Variants in TENM3 observed in about 807,000 individuals in gnomAD.
The protein encoded by TENM3 is teneurin-3.
A neutral mutation model predicts 255.1 loss-of-function variants in TENM3; 63 were observed. The observed-to-expected ratio is 0.25, with a 90% CI of 0.20 to 0.30. The LOEUF is 0.30. Ranked by LOEUF, TENM3 falls within the 10% of genes least tolerant of loss-of-function variation. The pLI, the probability that TENM3 is intolerant of heterozygous loss-of-function variation, is 1.00. For synonymous variants in TENM3, 1,306 were observed against 1,322.3 expected (o/e 0.99, Z 0.27); for missense variants, 2,929 against 3,461.1 (o/e 0.85, Z 3.86).
chr4:181,860,607 C>A, the TENM3 span, among the ~76,000 whole-genome samples: 2 of 152,230 alleles, frequency 1.3e-5, no homozygotes, highest in East Asian at 3.9e-4. Context: ...TTTGAGTAGA[C>A]CCTACGGTTG....
chr4:182,767,047 T>C (rs1471546441), intron 22 of TENM3, among the ~76,000 whole-genome samples: 1 of 152,158 alleles, frequency 6.6e-6, no homozygotes, highest in Non-Finnish European at 1.5e-5. Flanking sequence ...GGTGGTGCCA[T>C]GATGTGGGCG....
the TENM3 span, among the ~76,000 whole-genome samples, chr4:182,094,934 TAGA>T: frequency 3.4e-5 from 3 of 88,070 alleles, no homozygotes; most frequent in African/African-American, 1.3e-4. Flanking sequence ...TCACAGGAAA[TAGA>T]AGGTAAAAAA....
the TENM3 span, among the ~76,000 whole-genome samples, chr4:182,099,529 AAAG>A: frequency 6.6e-6 from 1 of 152,156 alleles, no homozygotes; most frequent in East Asian, 1.9e-4. Flanking sequence ...AAAAAATATA[AAAG>A]AAGAATATTT....
chr4:182,629,725 A>G (rs1455514626), intron 5 of TENM3, among the ~76,000 whole-genome samples: 3 of 152,174 alleles, frequency 2.0e-5, no homozygotes, highest in African/African-American at 7.2e-5. Flanking sequence ...TCAGGTTTAC[A>G]AAGCAATTTG....
intron 1 of TENM3, among the ~76,000 whole-genome samples, chr4:182,194,974 G>C (rs541626982): frequency 6.6e-6 from 1 of 151,298 alleles, no homozygotes; most frequent in East Asian, 1.9e-4. Flanking sequence ...ACTTCAGACT[G>C]TAATTATCAC....
At chr4:182,259,899 C>T (rs1156735353) in intron 1 of TENM3, among the ~76,000 whole-genome samples, 1 of 152,110 alleles carries the variant, frequency 6.6e-6, no homozygotes, top group African/African-American at 2.4e-5. Context: ...TTATCATCCT[C>T]TCTTCATCTT....
chr4:182,409,378 C>A (rs370001565), intron 3 of TENM3, among the ~76,000 whole-genome samples: 1 of 152,222 alleles, frequency 6.6e-6, no homozygotes, highest in Non-Finnish European at 1.5e-5. Context: ...GTTTGACTTA[C>A]AAGGAGCATA....
chr4:182,047,992 A>G, the TENM3 span, among the ~76,000 whole-genome samples: 2 of 152,122 alleles, frequency 1.3e-5, no homozygotes, highest in Admixed American at 6.5e-5. Context: ...GGAATATTCT[A>G]CAGGAGTTTG....
Position 182,498,492 on chromosome 4 carries a change from G to A in TENM3, c.512-102432G>A, listed in dbSNP as rs558123816. On this transcript the variant is annotated intron_variant, in intron 3 of 27. Transcript: ENST00000511685. The stretch of plus-strand genomic sequence containing the variant: ...AGATGGTACCCAATTGGGCAGTTTT[G>A]TGAACACTTTTCTTCCATTAGCTTT... 3.9e-5 allele frequency among the ~76,000 whole-genome samples: 6 copies of A among 151,914 alleles called. No individual in the cohort carries two copies. The South Asian group carries it at 1.3e-3, about 32-fold the overall frequency.
At chr4:182,100,640 T>TATATACAC in the TENM3 span, among the ~76,000 whole-genome samples, 24,968 of 50,484 alleles carry the variant, frequency 0.49, 6,935 homozygotes, top group Admixed American at 0.6. Flanking sequence ...TATATACACA[T>TATATACAC]ATATATACAC....
intron 3 of TENM3, among the ~76,000 whole-genome samples, chr4:182,504,870 A>G (rs1736662069): frequency 6.6e-6 from 1 of 152,032 alleles, no homozygotes; most frequent in Admixed American, 6.6e-5. Context: ...TGCCCTCACT[A>G]CTTATTATCT....
At chr4:182,665,737 T>C (rs934217908) in intron 6 of TENM3, among the ~76,000 whole-genome samples, 1 of 151,644 alleles carries the variant, frequency 6.6e-6, no homozygotes, top group Non-Finnish European at 1.5e-5. Context: ...CTACAAAAAA[T>C]ACAAAAAATT....
chr4:182,706,670 C>T (rs1454455140), intron 12 of TENM3, among the ~76,000 whole-genome samples: 3 of 152,110 alleles, frequency 2.0e-5, no homozygotes, highest in African/African-American at 7.2e-5. Flanking sequence ...CAGATATTAA[C>T]ACTCTGCTTT....
At chr4:181,960,208 A>G in the TENM3 span, among the ~76,000 whole-genome samples, 1 of 152,344 alleles carries the variant, frequency 6.6e-6, no homozygotes, top group Non-Finnish European at 1.5e-5. Flanking sequence ...TTGTAGGAAG[A>G]GCTATTCTTT....
At chr4:182,148,982 A>G (rs1750145450) in intron 1 of TENM3, among the ~76,000 whole-genome samples, 1 of 151,986 alleles carries the variant, frequency 6.6e-6, no homozygotes, top group African/African-American at 2.4e-5. Context: ...ATATATATCA[A>G]TATATATCCA....
the TENM3 span, among the ~76,000 whole-genome samples, chr4:181,520,097 A>C: frequency 6.6e-6 from 1 of 152,222 alleles, no homozygotes; most frequent in Non-Finnish European, 1.5e-5. Flanking sequence ...GCTTTTCTAC[A>C]AGATGGTGGC....
At chr4:182,667,875 C>A (rs1754840577) in intron 6 of TENM3, among the ~76,000 whole-genome samples, 1 of 151,776 alleles carries the variant, frequency 6.6e-6, no homozygotes, top group Non-Finnish European at 1.5e-5. Context: ...GTGCAGCACA[C>A]CAATATGGCG....
At chr4:182,687,920 A>G (rs1358832652) in intron 11 of TENM3, among the ~76,000 whole-genome samples, 3 of 152,174 alleles carry the variant, frequency 2.0e-5, no homozygotes, top group African/African-American at 7.2e-5. Flanking sequence ...TGTCATGTGT[A>G]TTTTCTGCAT....
the TENM3 span, among the ~76,000 whole-genome samples, chr4:181,647,031 G>A: frequency 1.3e-5 from 2 of 152,172 alleles, no homozygotes; most frequent in Non-Finnish European, 2.9e-5. Context: ...CCCCAAGAAT[G>A]TCTAAGCAGA....
Sources: allele counts gnomAD v4.1 joint callset (sites outside exome capture counted in the v4.1 genomes callset), GRCh38; gene constraint gnomAD v4.1.1; transcripts MANE v1.5; gene names NCBI Gene and HGNC (gene_info 2026-07-23, HGNC 2026-07-21).